The following TIMP2 variants were observed in gnomAD, a reference collection of about 807,000 sequenced individuals.
TIMP2 encodes the protein TIMP metallopeptidase inhibitor 2.
TIMP2 carries 5 observed loss-of-function variants against 24.3 expected under a neutral mutation model. That is an observed-to-expected ratio of 0.21 (90% CI 0.11 to 0.43). The LOEUF (loss-of-function observed/expected upper bound fraction) is 0.43, where lower values mean the gene tolerates loss of function less well. Ranked by LOEUF, TIMP2 falls within the 20% of genes least tolerant of loss-of-function variation. The pLI is 1.00. For missense variants in TIMP2, 221 were observed against 297.5 expected, an observed-to-expected ratio of 0.74 and a Z score of 1.89; for synonymous variants, 130 against 123.2, an observed-to-expected ratio of 1.06 and a Z score of -0.37.
chr17:78,879,910 T>C (rs1314665974), intron 1 of TIMP2, among the ~76,000 whole-genome samples: 1 of 141,094 alleles, frequency 7.1e-6, no homozygotes, highest in Non-Finnish European at 1.5e-5. Context: ...CCCGCCAGAG[T>C]GGGGACGGAA....
rs148999240 is a variant in TIMP2, at chr17:78,894,193, A to ACC, written c.131-20276_131-20275dup. Among the ~76,000 whole-genome samples, 174 of 149,786 alleles carry ACC rather than the reference A, an allele frequency of 1.2e-3. 1 individual carries two copies. The Middle Eastern group carries it at 0.024, about 20-fold the overall frequency. Reference sequence around the variant, plus strand: ...TAATCCTTTGAGATACGAAGCTCCTACCCCCCCCGGTTCACAGACAGGGAA... The same window carrying ACC: ...TAATCCTTTGAGATACGAAGCTCCTACCCCCCCCCCGGTTCACAGACAGGGAA... On this transcript the variant is annotated intron_variant, in intron 1 of 4. Transcript: ENST00000262768.
At chr17:78,862,203 G>C (rs1347879907) in intron 3 of TIMP2, among the ~76,000 whole-genome samples, 1 of 152,224 alleles carries the variant, frequency 6.6e-6, no homozygotes. Context: ...AGGAGGAGGT[G>C]GCCCGCTCAG....
chr17:78,892,252 T>A (rs1366666313), intron 1 of TIMP2: 2 of 1,550,758 alleles, frequency 1.3e-6, no homozygotes, highest in African/African-American at 2.7e-5. Context: ...TGCCCCGGGC[T>A]TGTAGCAATT....
chr17:78,893,191 GTGTGCAAGGA>G (rs1297182457), intron 1 of TIMP2, among the ~76,000 whole-genome samples: 1 of 149,558 alleles, frequency 6.7e-6, no homozygotes, highest in Non-Finnish European at 1.5e-5. Flanking sequence ...GTGCAGGGGT[GTGTGCAAGGA>G]TGTGTGTGCA....
intron 1 of TIMP2, among the ~76,000 whole-genome samples, chr17:78,884,163 C>T (rs967439271): frequency 5.3e-5 from 8 of 152,146 alleles, no homozygotes; most frequent in African/African-American, 1.9e-4. Context: ...TGGAGAGGCA[C>T]CGAGGAAACC....
chr17:78,895,176 G>T (rs960427510), intron 1 of TIMP2, among the ~76,000 whole-genome samples: 1 of 152,162 alleles, frequency 6.6e-6, no homozygotes, highest in Non-Finnish European at 1.5e-5. Context: ...AGCTACTCGG[G>T]AAGCTAAGGC....
chr17:78,906,239 G>GT (rs1568006240), intron 1 of TIMP2, among the ~76,000 whole-genome samples: 1 of 151,984 alleles, frequency 6.6e-6, no homozygotes, highest in Non-Finnish European at 1.5e-5. Context: ...ATAGTGGTGC[G>GT]TACCTGCAGT....
intron 1 of TIMP2, among the ~76,000 whole-genome samples, chr17:78,888,281 T>C (rs1326501491): frequency 6.6e-6 from 1 of 150,664 alleles, no homozygotes; most frequent in East Asian, 2.0e-4. Flanking sequence ...TGCCTCAGCC[T>C]CCTGAGTAGC....
At chr17:78,870,143 C>T (rs550715099) in intron 3 of TIMP2, among the ~76,000 whole-genome samples, 6 of 152,086 alleles carry the variant, frequency 3.9e-5, no homozygotes, top group African/African-American at 1.4e-4. Flanking sequence ...TGGCCGGGCG[C>T]GGTGGCTCGC....
At chr17:78,866,257 C>T (rs974568993) in intron 3 of TIMP2, among the ~76,000 whole-genome samples, 1 of 152,184 alleles carries the variant, frequency 6.6e-6, no homozygotes, top group Non-Finnish European at 1.5e-5. Context: ...CATGCCTCTG[C>T]CACGCGCCAC....
intron 1 of TIMP2, among the ~76,000 whole-genome samples, chr17:78,887,508 C>T (rs111521921): frequency 0.061 from 9,339 of 152,230 alleles, 401 homozygotes; most frequent in Middle Eastern, 0.11. Context: ...CCTCAGCCTC[C>T]CGAATAGCTG....
chr17:78,885,581 C>T (rs572309634), intron 1 of TIMP2, among the ~76,000 whole-genome samples: 2 of 152,116 alleles, frequency 1.3e-5, no homozygotes, highest in Non-Finnish European at 2.9e-5. Context: ...CCTGGCACTT[C>T]GGGGAGGATT....
At chr17:78,889,509 T>A (rs2069859527) in intron 1 of TIMP2, among the ~76,000 whole-genome samples, 1 of 152,276 alleles carries the variant, frequency 6.6e-6, no homozygotes. Flanking sequence ...GGTTTTAGCT[T>A]TGGTTCAATC....
intron 1 of TIMP2, chr17:78,897,110 G>A (rs1372215301): frequency 9.4e-5 from 49 of 521,086 alleles, no homozygotes; most frequent in Non-Finnish European, 1.1e-4. Flanking sequence ...CCCGCCCCCC[G>A]CCGGCCTCCT....
At position 78,920,107 on chromosome 17, in the gene TIMP2, C is replaced by T. The variant is rs1288144586; in HGVS notation, c.130+4852G>A. Reference sequence around the variant, plus strand: ...GACGTTCACCCCTACACACGACCCCCACTGCATCGAGTCAGTGGTTCTGCA... The same window carrying T: ...GACGTTCACCCCTACACACGACCCCTACTGCATCGAGTCAGTGGTTCTGCA... On this transcript the variant is annotated intron_variant, in intron 1 of 4. Coordinates refer to ENST00000262768, the MANE Select transcript of TIMP2 (RefSeq NM_003255.5). This position sits in a 1 kb window ranked among gnomAD's most constrained non-coding sequence, Gnocchi z 4.5. Among the ~76,000 whole-genome samples the T allele has an allele frequency of 6.6e-6, 1 of 152,240 alleles. No individual in the cohort carries two copies. Among genetic ancestry groups the T allele is most frequent in the African/African-American group, 2.4e-5 (1 of 41,468 alleles).
intron 1 of TIMP2, among the ~76,000 whole-genome samples, chr17:78,918,734 C>T (rs1599179026): frequency 6.6e-6 from 1 of 152,198 alleles, no homozygotes; most frequent in Non-Finnish European, 1.5e-5. Context: ...CACCGTGGCT[C>T]ACATCTGTAA....
Position 78,871,715 on chromosome 17 carries a change from G to A in TIMP2, c.232-709C>T, listed in dbSNP as rs558164319. Among the ~76,000 whole-genome samples the A allele has an allele frequency of 1.4e-3, 204 of 149,940 alleles. 1 individual carries two copies. Among genetic ancestry groups the A allele is most frequent in the Admixed American group, 2.9e-3 (44 of 15,064 alleles). ...CAGAAATTTAGCTGGGCGTGGTGGC[G>A]GGCGCCTGTAGTCCCAGCTACTCGG... is the stretch of plus-strand genomic sequence containing the variant. On this transcript the variant is annotated intron_variant, in intron 2 of 4. Transcript: ENST00000262768.
rs146557082 is a variant in TIMP2, at chr17:78,891,580, G to A, written c.131-17661C>T. 7 of 1,550,702 alleles carry A rather than the reference G, an allele frequency of 4.5e-6. No individual in the cohort carries two copies. The highest frequency in any genetic ancestry group is 2.4e-5 in the South Asian group (2 of 84,062). The stretch of plus-strand genomic sequence containing the variant: ...TGGAATCAGCTGGCCACAGCTGCCC[G>A]AGGTCTCTCAGCTTCCCCTCCAGAC... On this transcript the variant is annotated intron_variant, in intron 1 of 4. Transcript: ENST00000262768. This position sits in a 1 kb window ranked among gnomAD's most constrained non-coding sequence, Gnocchi z 4.5.
intron 3 of TIMP2, among the ~76,000 whole-genome samples, chr17:78,860,978 A>G (rs556607723): frequency 6.6e-6 from 1 of 151,558 alleles, no homozygotes; most frequent in African/African-American, 2.4e-5. Flanking sequence ...GGAAGTTACA[A>G]AGAGCCAAGA....
Sources: gnomAD v4.1 joint callset for allele counts (sites outside exome capture counted in the v4.1 genomes callset) on GRCh38, gnomAD v4.1.1 for gene constraint, Gnocchi (gnomAD v3.1) non-coding constraint, MANE v1.5 for transcripts, NCBI Gene and HGNC (gene_info 2026-07-23, HGNC 2026-07-21) for gene names.